C1orf141: variants seen among roughly 807,000 people sequenced by gnomAD.
The protein encoded by C1orf141 is uncharacterized protein C1orf141.
Under a neutral mutation model 23.2 loss-of-function variants are expected in C1orf141, and 19 were observed. The observed-to-expected ratio is 0.82, with a 90% CI of 0.57 to 1.20. The LOEUF is 1.20. Ranked by LOEUF, C1orf141 falls within the 50% of genes most tolerant of loss-of-function variation. The probability of loss-of-function intolerance (pLI) is 0.00; values close to 1 mark genes in which losing one functional copy is unlikely to be tolerated. For missense variants in C1orf141, 469 were observed against 455.1 expected (o/e 1.03, Z -0.28); for synonymous variants, 153 against 154.6 (o/e 0.99, Z 0.08).
In C1orf141 at chr1:67,092,793, G is replaced by A; in HGVS notation, c.*212C>T. ...AGAAAGTCATGAACTAGATCCTCTT[G>A]GTGATAATTATTTCCTAATTTTGTC... is the stretch of plus-strand genomic sequence containing the variant. On this transcript the variant is annotated 3_prime_UTR_variant, in exon 8 of 8. Transcript: ENST00000684719. 1 of 372,194 alleles carries A rather than the reference G, an allele frequency of 2.7e-6. No individual in the cohort carries two copies. The highest frequency in any genetic ancestry group is 4.4e-5 in the Admixed American group (1 of 22,546). The allele number at this position is 372,194 out of a possible 1,614,324, so 23.1% of individuals were successfully genotyped here. A position where few individuals can be genotyped will look rare whatever the true frequency, so the allele number is the denominator to read the frequency against.
intron 4 of C1orf141, 33 bp downstream of exon 4, chr1:67,125,719 G>T (rs1646395735): frequency 1.9e-6 from 3 of 1,596,184 alleles, no homozygotes; most frequent in South Asian, 1.1e-5. Context: ...AACAAATTCT[G>T]AACTGAAAAT....
intron 1 of C1orf141, among the ~76,000 whole-genome samples, chr1:67,141,264 T>C (rs1274080865): frequency 6.6e-6 from 1 of 152,208 alleles, no homozygotes; most frequent in Non-Finnish European, 1.5e-5. Flanking sequence ...GAAATATTTT[T>C]CTACTTTGTA....
At position 67,107,192 on chromosome 1, in the gene C1orf141, T is replaced by C. The variant is rs1645947189; in HGVS notation, c.346+8160A>G. ...TAGACTGTGACAAGTTGATGATGTA[T>C]ACTTTAATCTATACGGAAACCACTA... On this transcript the variant is annotated intron_variant, in intron 5 of 7. Coordinates refer to ENST00000684719, the MANE Select transcript of C1orf141 (RefSeq NM_001276351.2). 1.3e-5 allele frequency among the ~76,000 whole-genome samples: 2 copies of C among 152,158 alleles called. 1 individual carries two copies. The highest frequency in any genetic ancestry group is 4.8e-5 in the African/African-American group (2 of 41,418).
At chr1:67,138,150 A>G (rs77040148), upstream of C1orf141, among the ~76,000 whole-genome samples, 5,722 of 152,340 alleles carry the variant, frequency 0.038, 201 homozygotes, top group Admixed American at 0.12. Flanking sequence ...TAATAAATCC[A>G]TTAAGCCAAT....
intron 7 of C1orf141, 79 bp downstream of exon 7, chr1:67,095,156 G>C (rs1171611967): frequency 2.5e-6 from 2 of 802,856 alleles, no homozygotes; most frequent in South Asian, 4.3e-5. Flanking sequence ...AAAGATTCTG[G>C]TCACTAAAAT....
upstream of C1orf141, among the ~76,000 whole-genome samples, chr1:67,139,819 G>A (rs1268721571): frequency 6.6e-6 from 1 of 152,172 alleles, no homozygotes; most frequent in Non-Finnish European, 1.5e-5. Flanking sequence ...TGTCCTACAG[G>A]AAAGACCCAC....
At chr1:67,103,235 T>C in intron 5 of C1orf141, 1 of 1,389,516 alleles carries the variant, frequency 7.2e-7, no homozygotes, top group Non-Finnish European at 9.6e-7. Flanking sequence ...GCAATTTGTA[T>C]ACCTGTAAAT....
chr1:67,132,845 G>T (rs932949028), intron 1 of C1orf141, among the ~76,000 whole-genome samples: 1 of 152,178 alleles, frequency 6.6e-6, no homozygotes, highest in Non-Finnish European at 1.5e-5. Flanking sequence ...AAGGAAACTT[G>T]GATTTATGTT....
intron 2 of C1orf141, among the ~76,000 whole-genome samples, chr1:67,128,968 G>A (rs1049548127): frequency 2.6e-5 from 4 of 152,078 alleles, no homozygotes; most frequent in African/African-American, 9.7e-5. Context: ...TTCAGGATCC[G>A]ATGCCAAAAG....
In C1orf141 at chr1:67,093,515, A is replaced by G; in HGVS notation, c.693T>C (p.Pro231=). ...LLTKNRFSSH[P]LENENIYPHK... ...GTGGGTAAATGTTTTCATTTTCCAA[A>G]GGATGAGAAGAAAATCTATTTTTTG... is the stretch of plus-strand genomic sequence containing the variant. Residue 231 remains proline, a synonymous_variant, in exon 8 of 8, where the codon CCT becomes CCC. Transcript: ENST00000684719. 6.2e-7 allele frequency: 1 copy of G among 1,606,772 alleles called. No homozygotes were observed. The highest frequency in any genetic ancestry group is 8.5e-7 in the Non-Finnish European group (1 of 1,174,984).
intron 5 of C1orf141, chr1:67,111,643 C>A: frequency 7.4e-7 from 1 of 1,358,300 alleles, no homozygotes; most frequent in Non-Finnish European, 9.9e-7. Flanking sequence ...CTTCTACTGG[C>A]TCTAAAGAAA....
At chr1:67,125,683 G>A (rs776535346) in intron 4 of C1orf141, 69 bp downstream of exon 4, 1 of 1,437,920 alleles carries the variant, frequency 7.0e-7, no homozygotes, top group African/African-American at 1.4e-5. Context: ...TAGGCAATGA[G>A]TGAGTCCTTG....
At chr1:67,100,896 C>G (rs753248817) in intron 5 of C1orf141, among the ~76,000 whole-genome samples, 1 of 152,258 alleles carries the variant, frequency 6.6e-6, no homozygotes, top group South Asian at 2.1e-4. Flanking sequence ...CCTGGAAGAT[C>G]GTGGAGAAGT....
rs914986162 is a variant in C1orf141, at chr1:67,115,593, G to A, written c.234-129C>T. On this transcript the variant is annotated intron_variant, in intron 4 of 7. Transcript: ENST00000684719. The stretch of plus-strand genomic sequence containing the variant: ...TGGATGTTATGTTAATGTTGTCACA[G>A]TACCAAGTGTGAAACATTGGACTGA... 3.6e-5 allele frequency: 18 copies of A among 504,336 alleles called. 1 individual carries two copies. Among genetic ancestry groups the A allele is most frequent in the African/African-American group, 2.0e-4 (10 of 50,018 alleles). 31.2% of individuals were successfully genotyped at this position (504,336 alleles called of 1,614,324 possible).
intron 5 of C1orf141, among the ~76,000 whole-genome samples, chr1:67,107,001 C>A (rs1202907812): frequency 6.6e-6 from 1 of 152,164 alleles, no homozygotes; most frequent in Non-Finnish European, 1.5e-5. Flanking sequence ...CCTTTACTTT[C>A]TTTAAAACAC....
chr1:67,108,268 G>A (rs1241388722), intron 5 of C1orf141, among the ~76,000 whole-genome samples: 2 of 152,142 alleles, frequency 1.3e-5, no homozygotes, highest in Admixed American at 6.6e-5. Context: ...GTAAGGGCTC[G>A]CTCTCGGATT....
At chr1:67,103,562 G>GA (rs1457312693) in intron 5 of C1orf141, among the ~76,000 whole-genome samples, 1 of 151,898 alleles carries the variant, frequency 6.6e-6, no homozygotes, top group African/African-American at 2.4e-5. Flanking sequence ...CCTACTATGA[G>GA]ATGGGCATTA....
intron 5 of C1orf141, among the ~76,000 whole-genome samples, chr1:67,114,370 C>T (rs1646143727): frequency 6.6e-6 from 1 of 151,892 alleles, no homozygotes; most frequent in East Asian, 1.9e-4. Flanking sequence ...TTTCCAAATA[C>T]CGTCCAGCAC....
In C1orf141 at chr1:67,125,928, GAA is replaced by G. The variant is rs11336462; in HGVS notation, c.76-21_76-20del. 156,986 of 1,134,674 alleles carry G rather than the reference GAA, an allele frequency of 0.14. 20 individuals are homozygous for G. The highest frequency in any genetic ancestry group is 0.2 in the Middle Eastern group (829 of 4,120). The allele number at this position is 1,134,674 out of a possible 1,614,324, so 70.3% of individuals were successfully genotyped here. ...TGTTTATCTGCAGCAATGCCAAAGT[GAA>G]AAAAAAAAAAAAAAAAAGAGTACTT... On this transcript the variant is annotated intron_variant, in intron 3 of 7. Transcript: ENST00000684719.
Sources: gnomAD v4.1 joint callset for allele counts (sites outside exome capture counted in the v4.1 genomes callset) on GRCh38, gnomAD v4.1.1 for gene constraint, MANE v1.5 for transcripts, NCBI Gene and HGNC (gene_info 2026-07-23, HGNC 2026-07-21) for gene names.